Variants in SNX13 observed in about 807,000 individuals in gnomAD.
SNX13 encodes the protein sorting nexin 13.
SNX13 carries 45 observed loss-of-function variants against 133.6 expected under a neutral mutation model. The ratio of observed to expected loss-of-function variants is 0.34; its 90% CI spans 0.27 to 0.43. The LOEUF is 0.43. SNX13 is among the 20% of genes least tolerant of loss of function. SNX13 has a pLI of 1.00. For missense variants in SNX13, 1,032 were observed against 1,145.1 expected, an observed-to-expected ratio of 0.90 and a Z score of 1.43; for synonymous variants, 414 against 373.9, an observed-to-expected ratio of 1.11 and a Z score of -1.24.
At chr7:17,796,579 T>A (rs1161181067) in intron 25 of SNX13, 1 of 386,154 alleles carries the variant, frequency 2.6e-6, no homozygotes, top group Non-Finnish European at 4.7e-6. Context: ...TTGGATAGGT[T>A]ATTTAACCTC....
chr7:17,859,022 G>C (rs927934745), intron 9 of SNX13, among the ~76,000 whole-genome samples: 2 of 151,944 alleles, frequency 1.3e-5, no homozygotes, highest in Non-Finnish European at 2.9e-5. Context: ...AAATAACTTG[G>C]TAATCTTCAA....
At chr7:17,861,395 C>T (rs1196587559) in intron 9 of SNX13, among the ~76,000 whole-genome samples, 1 of 150,004 alleles carries the variant, frequency 6.7e-6, no homozygotes, top group African/African-American at 2.5e-5. Flanking sequence ...GTGATAACTG[C>T]AAAAATAATT....
At chr7:17,816,479 T>C (rs898737630) in intron 18 of SNX13, among the ~76,000 whole-genome samples, 190 bp from the exon 19 acceptor site, 8 of 152,222 alleles carry the variant, frequency 5.3e-5, no homozygotes, top group Admixed American at 3.3e-4. Context: ...CTGACCAACA[T>C]AGAGAGACCC....
chr7:17,876,293 G>A (rs1259675553), intron 5 of SNX13, among the ~76,000 whole-genome samples: 1 of 152,120 alleles, frequency 6.6e-6, no homozygotes. Context: ...TTAAAAACTT[G>A]GCCATGGCCA....
At chr7:17,799,572 T>C (rs1285905244) in intron 22 of SNX13, among the ~76,000 whole-genome samples, 1 of 151,768 alleles carries the variant, frequency 6.6e-6, no homozygotes, top group African/African-American at 2.4e-5. Flanking sequence ...GAACAAAACA[T>C]GAATGATACA....
chr7:17,808,423 C>T (rs569449602), intron 20 of SNX13, among the ~76,000 whole-genome samples: 30 of 152,114 alleles, frequency 2.0e-4, no homozygotes, highest in African/African-American at 6.0e-4. Flanking sequence ...TGAAAAGAAA[C>T]GAACAAAGCC....
chr7:17,844,953 G>T (rs1790315330), intron 12 of SNX13, among the ~76,000 whole-genome samples: 1 of 151,988 alleles, frequency 6.6e-6, no homozygotes, highest in African/African-American at 2.4e-5. Context: ...AATGATGAAA[G>T]ACAAAATACT....
In SNX13 at chr7:17,890,217, G is replaced by A. The variant is rs1379414421; in HGVS notation, c.440+146C>T. 6.1e-6 allele frequency: 4 copies of A among 652,068 alleles called. No homozygotes were observed. In the African/African-American group the frequency reaches 7.5e-5, roughly 12 times the overall value. 40.4% of individuals were successfully genotyped at this position (652,068 alleles called of 1,614,324 possible). On this transcript the variant is annotated intron_variant, in intron 5 of 25. Transcript: ENST00000428135. Reference sequence around the variant, plus strand: ...TTTAAAGGTTTTAAGAGCTCTAGTTGTAAAATCTTGGAGTTATCCCACAGT... The same window carrying A: ...TTTAAAGGTTTTAAGAGCTCTAGTTATAAAATCTTGGAGTTATCCCACAGT...
intron 1 of SNX13, 59 bp downstream of exon 1, chr7:17,940,225 G>T: frequency 6.4e-7 from 1 of 1,550,880 alleles, no homozygotes; most frequent in Non-Finnish European, 8.7e-7. Context: ...TTCTCTGACG[G>T]GCTGGCGCCG....
intron 9 of SNX13, among the ~76,000 whole-genome samples, chr7:17,856,578 A>G (rs1008704910): frequency 6.6e-6 from 1 of 152,010 alleles, no homozygotes; most frequent in African/African-American, 2.4e-5. Flanking sequence ...GGGGTACTTG[A>G]GCCAGAAGTT....
At chr7:17,869,866 TCACACACACACAGACA>T (rs1216086939) in intron 8 of SNX13, among the ~76,000 whole-genome samples, 2 of 133,734 alleles carry the variant, frequency 1.5e-5, no homozygotes, top group Non-Finnish European at 3.2e-5. Context: ...GAAAATTTAC[TCACACACACACAGACA>T]CACACACACA....
chr7:17,826,149 A>G (rs1787889479), intron 16 of SNX13, 58 bp from the exon 17 acceptor site: 2 of 1,137,236 alleles, frequency 1.8e-6, no homozygotes, highest in Non-Finnish European at 2.5e-6. Context: ...AAAAAAGAGT[A>G]AAGAATTCTA....
At chr7:17,879,173 T>C (rs2128361054) in intron 5 of SNX13, among the ~76,000 whole-genome samples, 1 of 152,358 alleles carries the variant, frequency 6.6e-6, no homozygotes, top group Non-Finnish European at 1.5e-5. Flanking sequence ...AGGCACAGAT[T>C]GACTGTGTCT....
intron 9 of SNX13, among the ~76,000 whole-genome samples, chr7:17,866,011 A>G (rs1793354971): frequency 6.6e-6 from 1 of 152,226 alleles, no homozygotes; most frequent in Non-Finnish European, 1.5e-5. Context: ...AAAGACTTCA[A>G]TCTAAGATGT....
Position 17,796,877 on chromosome 7 carries a change from C to T in SNX13, c.2576G>A (p.Arg859Gln), listed in dbSNP as rs369004312. Residue 859 changes from arginine (R) to glutamine (Q), a missense_variant, in exon 25 of 26, where the codon CGA (arginine) becomes CAA (glutamine). By Grantham distance (43) the Arg-to-Gln change is conservative. Transcript: ENST00000428135. Reference protein sequence around the residue: ...EAVPCRDKSIRMRTRVAGKTK... With the variant: ...EAVPCRDKSIQMRTRVAGKTK... ...TTTTCCTGCTACTCTTGTTCTCATTCGAATACTTTTATCTCTGCATGGAAC... is the reference window on the plus strand; with the variant it reads ...TTTTCCTGCTACTCTTGTTCTCATTTGAATACTTTTATCTCTGCATGGAAC... 8.3e-5 allele frequency: 134 copies of T among 1,611,076 alleles called. No homozygotes were observed. Among genetic ancestry groups the T allele is most frequent in the Non-Finnish European group, 1.1e-4 (124 of 1,178,150 alleles).
At chr7:17,845,982 T>C (rs1790473052) in intron 11 of SNX13, among the ~76,000 whole-genome samples, 1 of 152,168 alleles carries the variant, frequency 6.6e-6, no homozygotes. Context: ...TATCTCTATA[T>C]ATTCCAAATG....
chr7:17,922,269 G>T (rs1159457530), intron 1 of SNX13, among the ~76,000 whole-genome samples: 1 of 152,208 alleles, frequency 6.6e-6, no homozygotes, highest in East Asian at 1.9e-4. Flanking sequence ...AGTGGAAGAG[G>T]ACACTGCAGA....
chr7:17,902,873 G>A (rs764890121), intron 1 of SNX13, among the ~76,000 whole-genome samples: 30 of 152,142 alleles, frequency 2.0e-4, no homozygotes, highest in Non-Finnish European at 4.3e-4. Context: ...TCATAGGAAC[G>A]TGAAACCTAT....
intron 20 of SNX13, among the ~76,000 whole-genome samples, chr7:17,805,260 C>CGCGCGCGCGT (rs1292218069): frequency 5.0e-5 from 5 of 100,430 alleles, no homozygotes. Context: ...TGCGTGCGCG[C>CGCGCGCGCGT]GCGCGCATGC....
Sources: allele counts gnomAD v4.1 joint callset (sites outside exome capture counted in the v4.1 genomes callset), GRCh38; gene constraint gnomAD v4.1.1; transcripts MANE v1.5; gene names NCBI Gene and HGNC (gene_info 2026-07-23, HGNC 2026-07-21).